The following RPS7 variants were observed in gnomAD, a reference collection of about 807,000 sequenced individuals.
RPS7 encodes ribosomal protein S7, also known as small ribosomal subunit protein eS7.
In RPS7, 1 loss-of-function variant was observed where a neutral mutation model predicts 22.1. The observed-to-expected ratio is 0.05, with a 90% CI of 0.02 to 0.21. RPS7 has a LOEUF of 0.21. Ranked by LOEUF, RPS7 falls within the 10% of genes least tolerant of loss-of-function variation. RPS7 has a pLI of 1.00. For synonymous variants in RPS7, 80 were observed against 92.0 expected, an observed-to-expected ratio of 0.87 and a Z score of 0.74; for missense variants, 137 against 246.4, an observed-to-expected ratio of 0.56 and a Z score of 2.97.
chr2:3,576,988 A>G (rs938047392), intron 4 of RPS7: 4 of 322,718 alleles, frequency 1.2e-5, no homozygotes, highest in Middle Eastern at 1.1e-3. Context: ...ATGATTTCCC[A>G]TATTTAAATT....
chr2:3,577,315 G>T (rs147128426), intron 4 of RPS7: 14 of 192,102 alleles, frequency 7.3e-5, no homozygotes, highest in Non-Finnish European at 1.1e-4. Flanking sequence ...CAGCCTGGGC[G>T]ACAGAGCGAG....
chr2:3,579,486 A>G (rs1661353327), intron 5 of RPS7: 1 of 162,106 alleles, frequency 6.2e-6, no homozygotes, highest in African/African-American at 2.4e-5. Flanking sequence ...CTAAATGCTG[A>G]AACAAAGAAC....
chr2:3,579,926 A>G (rs1661362567), intron 5 of RPS7, 184 bp from the exon 6 acceptor site: 5 of 658,246 alleles, frequency 7.6e-6, no homozygotes, highest in East Asian at 2.6e-5. Flanking sequence ...CTATTACCCT[A>G]TTCTAGGTAG....
chr2:3,577,981 G>A (rs1661322711), intron 5 of RPS7: 4 of 584,904 alleles, frequency 6.8e-6, no homozygotes, highest in South Asian at 2.1e-5. Context: ...TGCCTACTAG[G>A]TCAGTGCTGT....
Position 3,577,846 on chromosome 2 carries a change from GT to G in RPS7, c.356+75del, listed in dbSNP as rs1661320223. ...CAACTCTTAATTTGTTTAAGTTGTA[GT>G]TTATGAAAACAGATGTTCAAGTGGG... On this transcript the variant is annotated intron_variant, in intron 5 of 6. Coordinates refer to ENST00000645674, the MANE Select transcript of RPS7 (RefSeq NM_001011.4). 7.3e-6 allele frequency: 8 copies of G among 1,089,870 alleles called. No individual in the cohort carries two copies. The South Asian group carries it at 9.1e-5, about 12-fold the overall frequency. 67.5% of individuals were successfully genotyped at this position (1,089,870 alleles called of 1,614,324 possible). A position where few individuals can be genotyped will look rare whatever the true frequency, so the allele number is the denominator to read the frequency against.
At chr2:3,580,003 C>G (rs1572360377) in intron 5 of RPS7, 107 bp from the exon 6 acceptor site, 1 of 1,041,156 alleles carries the variant, frequency 9.6e-7, no homozygotes, top group African/African-American at 1.6e-5. Flanking sequence ...AATTTGACTT[C>G]AGGAACCTGG....
chr2:3,578,101 G>T (rs554133263), intron 5 of RPS7: 1 of 240,148 alleles, frequency 4.2e-6, no homozygotes, highest in African/African-American at 2.3e-5. Context: ...GTTGACATGG[G>T]CTTGGATTTA....
At chr2:3,575,525 C>A in intron 1 of RPS7, 67 bp from the exon 2 acceptor site, 1 of 1,018,158 alleles carries the variant, frequency 9.8e-7, no homozygotes, top group Non-Finnish European at 1.5e-6. Flanking sequence ...CCGGGGGGTG[C>A]GGGCGGGAGG....
intron 3 of RPS7, 46 bp downstream of exon 3, chr2:3,575,934 C>T: frequency 1.4e-6 from 2 of 1,406,478 alleles, no homozygotes; most frequent in Non-Finnish European, 1.0e-6. Context: ...CGGCGCGTCT[C>T]CCCGCGCAGT....
intron 5 of RPS7, 182 bp downstream of exon 5, chr2:3,577,956 C>T (rs1661322271): frequency 8.3e-6 from 5 of 604,740 alleles, no homozygotes; most frequent in South Asian, 2.0e-5. Context: ...TACATGTATT[C>T]ATGTAGCCAT....
chr2:3,577,589 C>T lies in RPS7; in HGVS notation c.292-121C>T, dbSNP rs72767177. 0.21 allele frequency: 152,569 copies of T among 731,318 alleles called. 16,598 individuals are homozygous for T. Among genetic ancestry groups the T allele is most frequent in the African/African-American group, 0.26 (14,756 of 56,854 alleles). The allele number at this position is 731,318 out of a possible 1,614,324, so 45.3% of individuals were successfully genotyped here. A position where few individuals can be genotyped will look rare whatever the true frequency, so the allele number is the denominator to read the frequency against. ...CAATTGTTCGTCTAAGTTGTTTAGC[C>T]TTCTCGAACTTTGAACTTACCCTGC... On this transcript the variant is annotated intron_variant, in intron 4 of 6. Coordinates refer to ENST00000645674, the MANE Select transcript of RPS7 (RefSeq NM_001011.4).
chr2:3,575,578 C>A lies in RPS7; in HGVS notation c.-18-14C>A. On this transcript the variant is annotated splice_polypyrimidine_tract_variant and intron_variant, in intron 1 of 6. Coordinates refer to ENST00000645674, the MANE Select transcript of RPS7 (RefSeq NM_001011.4). ...GCAGCCCGGGCCGCGTAACGCTGAC[C>A]GCTGTGCCTTCAGTTCTCCCAGGAG... The A allele has an allele frequency of 1.3e-6, 2 of 1,594,196 alleles. No homozygotes were observed. Among genetic ancestry groups the A allele is most frequent in the Non-Finnish European group, 1.7e-6 (2 of 1,164,602 alleles).
At chr2:3,575,538 G>C (rs1226053691) in intron 1 of RPS7, 54 bp from the exon 2 acceptor site, 17 of 1,338,960 alleles carry the variant, frequency 1.3e-5, no homozygotes, top group Non-Finnish European at 1.7e-5. Flanking sequence ...GCGGGAGGGC[G>C]AGCCAGCGGC....
intron 3 of RPS7, chr2:3,576,258 A>G (rs542495291): frequency 3.3e-6 from 2 of 612,830 alleles, no homozygotes; most frequent in Admixed American, 2.8e-5. Context: ...CAGAAGTGGT[A>G]GTGATTGGCC....
chr2:3,577,670 T>C, intron 4 of RPS7, 40 bp from the exon 5 acceptor site: 1 of 1,445,826 alleles, frequency 6.9e-7, no homozygotes, highest in Non-Finnish European at 9.7e-7. Context: ...CAATTTAAAG[T>C]CTTTTTTCAT....
chr2:3,579,986 G>T, intron 5 of RPS7, 124 bp from the exon 6 acceptor site: 1 of 876,202 alleles, frequency 1.1e-6, no homozygotes, highest in African/African-American at 1.7e-5. Flanking sequence ...ATTTGAAAAT[G>T]AGTGTTAATT....
rs1018268951 is a variant in RPS7 at position 3,575,882 on chromosome 2, A to C, written c.141A>C (p.Ala47=). 1 of 1,606,756 alleles carries C rather than the reference A, an allele frequency of 6.2e-7. No homozygotes were observed. Among genetic ancestry groups the C allele is most frequent in the Non-Finnish European group, 8.5e-7 (1 of 1,176,458 alleles). The part of the protein sequence containing the change: ...KAQLRELNIT[A]AKEIEVGGGR... ...AGCTCAGGGAGCTGAATATTACGGC[A>C]GCTAAGGTAAGCTGGCGCTCCCTCG... Residue 47 remains alanine, a synonymous_variant, in exon 3 of 7, where the codon GCA becomes GCC. Transcript: ENST00000645674.
chr2:3,578,052 A>G (rs1661324297), intron 5 of RPS7: 3 of 437,456 alleles, frequency 6.9e-6, no homozygotes, highest in South Asian at 5.9e-5. Flanking sequence ...TGAGAAGGAA[A>G]TCATTACTTT....
At position 3,576,580 on chromosome 2, in the gene RPS7, C is replaced by T; in HGVS notation, c.241C>T (p.Arg81Cys). 2 of 1,614,026 alleles carry T rather than the reference C, an allele frequency of 1.2e-6. No individual in the cohort carries two copies. The highest frequency in any genetic ancestry group is 8.5e-7 in the Non-Finnish European group (1 of 1,179,898). Residue 81 changes from arginine (R) to cysteine (C), a missense_variant, in exon 4 of 7, where the codon CGC (arginine) becomes TGC (cysteine). Arg to Cys is a radical substitution (Grantham distance 180, BLOSUM62 -3). This residue lies in a region of RPS7 where 74 missense variants were observed against 171.4 expected (regional missense o/e 0.43). Transcript: ENST00000645674. The part of the protein sequence containing the change: ...SFQKIQVRLV[R>C]ELEKKFSGKH... ...CCAGAAAATCCAAGTCCGGCTAGTA[C>T]GCGAATTGGAGAAAAAGTTCAGTGG...
Sources: allele counts gnomAD v4.1 joint callset, GRCh38; gene constraint gnomAD v4.1.1; regional missense constraint gnomAD v4.1.1; transcripts MANE v1.5; gene names NCBI Gene and HGNC (gene_info 2026-07-23, HGNC 2026-07-21).